PTPRT: variants seen among roughly 807,000 people sequenced by gnomAD.
PTPRT encodes receptor-type tyrosine-protein phosphatase T.
PTPRT carries 56 observed loss-of-function variants against 176.8 expected under a neutral mutation model. That is an observed-to-expected ratio of 0.32 (90% CI 0.26 to 0.40). PTPRT has a LOEUF of 0.40. Ranked by LOEUF, PTPRT falls within the 10% of genes least tolerant of loss-of-function variation. The pLI, the probability that PTPRT is intolerant of heterozygous loss-of-function variation, is 1.00. For synonymous variants in PTPRT, 783 were observed against 739.0 expected, an observed-to-expected ratio of 1.06 and a Z score of -0.96; for missense variants, 1,540 against 1,908.2, an observed-to-expected ratio of 0.81 and a Z score of 3.60.
chr20:42,395,603 T>G (rs1246497598), intron 9 of PTPRT, among the ~76,000 whole-genome samples: 3 of 152,184 alleles, frequency 2.0e-5, no homozygotes, highest in African/African-American at 7.2e-5. Context: ...ATTCCTCTCC[T>G]GCTGCTCTCC....
intron 1 of PTPRT, among the ~76,000 whole-genome samples, chr20:42,921,404 C>A (rs1568681584): frequency 6.6e-6 from 1 of 151,390 alleles, no homozygotes; most frequent in Non-Finnish European, 1.5e-5. Flanking sequence ...TAGATCTCAA[C>A]ATAGTGAGAT....
chr20:42,215,807 C>T (rs529517605), intron 15 of PTPRT, among the ~76,000 whole-genome samples: 49 of 103,980 alleles, frequency 4.7e-4, no homozygotes, highest in Non-Finnish European at 1.1e-3. Context: ...ATCCAGCCCC[C>T]GACTGCTGAA....
intron 1 of PTPRT, among the ~76,000 whole-genome samples, chr20:43,092,057 T>G (rs1055163608): frequency 2.0e-5 from 3 of 152,208 alleles, no homozygotes; most frequent in African/African-American, 7.2e-5. Flanking sequence ...CTGTCTTGCC[T>G]GGGTTTTCTC....
intron 1 of PTPRT, among the ~76,000 whole-genome samples, chr20:43,126,797 G>C (rs888771607): frequency 6.6e-6 from 1 of 152,178 alleles, no homozygotes; most frequent in Non-Finnish European, 1.5e-5. Context: ...TAGTAATAGT[G>C]GTAGCAGGAA....
At chr20:43,065,195 T>C (rs995766570) in intron 1 of PTPRT, among the ~76,000 whole-genome samples, 16 of 152,256 alleles carry the variant, frequency 1.1e-4, no homozygotes, top group African/African-American at 3.9e-4. Flanking sequence ...TTTTGGTGGC[T>C]TAAAACAATG....
intron 2 of PTPRT, among the ~76,000 whole-genome samples, chr20:42,883,738 A>ACACACCC (rs1568658380): frequency 0.15 from 1,003 of 6,602 alleles, 2 homozygotes; most frequent in African/African-American, 0.3. Flanking sequence ...ACCCCCATAC[A>ACACACCC]CTCTCACACA....
At chr20:42,556,835 G>A (rs1378632112) in intron 7 of PTPRT, among the ~76,000 whole-genome samples, 1 of 152,126 alleles carries the variant, frequency 6.6e-6, no homozygotes, top group Non-Finnish European at 1.5e-5. Flanking sequence ...GAGTGACATT[G>A]CTGGTGCCCA....
intron 15 of PTPRT, among the ~76,000 whole-genome samples, chr20:42,207,161 C>A (rs1035615828): frequency 2.0e-5 from 3 of 151,932 alleles, no homozygotes; most frequent in African/African-American, 7.3e-5. Flanking sequence ...TCATCAAAGA[C>A]CAAAAGTAGA....
intron 15 of PTPRT, among the ~76,000 whole-genome samples, chr20:42,216,739 G>A (rs895412147): frequency 1.2e-4 from 19 of 152,014 alleles, no homozygotes; most frequent in African/African-American, 4.1e-4. Flanking sequence ...CCGTGTCTAC[G>A]ACTTGACCCT....
At chr20:42,279,056 G>A (rs945325300) in intron 13 of PTPRT, among the ~76,000 whole-genome samples, 1 of 151,882 alleles carries the variant, frequency 6.6e-6, no homozygotes, top group African/African-American at 2.4e-5. Context: ...TTGCTCTGTG[G>A]CTTTCTATTG....
At chr20:43,101,632 A>T (rs2012394632) in intron 1 of PTPRT, among the ~76,000 whole-genome samples, 1 of 152,188 alleles carries the variant, frequency 6.6e-6, no homozygotes, top group Non-Finnish European at 1.5e-5. Flanking sequence ...AGGTCAGAAG[A>T]TGGAGTTCAC....
At chr20:43,012,578 T>C (rs1985184898) in intron 1 of PTPRT, among the ~76,000 whole-genome samples, 1 of 152,194 alleles carries the variant, frequency 6.6e-6, no homozygotes, top group African/African-American at 2.4e-5. Context: ...TGTGTTTTGT[T>C]ATGTATATTT....
At chr20:42,130,538 A>G (rs570149226) in intron 18 of PTPRT, among the ~76,000 whole-genome samples, 2 of 152,338 alleles carry the variant, frequency 1.3e-5, no homozygotes, top group East Asian at 3.9e-4. Context: ...CACAACCTGC[A>G]GGGGTAAGTT....
chr20:43,113,676 A>T (rs1356512144), intron 1 of PTPRT, among the ~76,000 whole-genome samples: 1 of 152,240 alleles, frequency 6.6e-6, no homozygotes, highest in Non-Finnish European at 1.5e-5. Flanking sequence ...GCAAAACTCA[A>T]GTACGAACCA....
At chr20:42,328,559 G>A (rs1013252701) in intron 11 of PTPRT, among the ~76,000 whole-genome samples, 4 of 151,980 alleles carry the variant, frequency 2.6e-5, no homozygotes, top group African/African-American at 9.7e-5. Flanking sequence ...AGAAAAGTAC[G>A]ATCATATAAG....
intron 1 of PTPRT, among the ~76,000 whole-genome samples, chr20:43,065,829 C>T (rs896710721): frequency 6.6e-6 from 1 of 152,156 alleles, no homozygotes; most frequent in Non-Finnish European, 1.5e-5. Context: ...TGGTTTCCTA[C>T]AGAGTCAAAG....
chr20:43,188,812 T>G (rs2015464491), intron 1 of PTPRT, among the ~76,000 whole-genome samples: 1 of 142,802 alleles, frequency 7.0e-6, no homozygotes, highest in South Asian at 2.2e-4. Flanking sequence ...TGTAAGACCC[T>G]GGACTGTGGT....
chr20:42,661,854 G>A (rs761070698), intron 7 of PTPRT, among the ~76,000 whole-genome samples: 1 of 152,198 alleles, frequency 6.6e-6, no homozygotes, highest in African/African-American at 2.4e-5. Context: ...ACCAAGCCAG[G>A]TTTGGGCTCA....
At chr20:42,187,154 A>C (rs1159011288) in intron 16 of PTPRT, among the ~76,000 whole-genome samples, 1 of 152,040 alleles carries the variant, frequency 6.6e-6, no homozygotes, top group Non-Finnish European at 1.5e-5. Flanking sequence ...TTCTACACAC[A>C]CCTCTACTGG....
Sources: gnomAD v4.1 joint callset for allele counts (sites outside exome capture counted in the v4.1 genomes callset) on GRCh38, gnomAD v4.1.1 for gene constraint, MANE v1.5 for transcripts, NCBI Gene and HGNC (gene_info 2026-07-23, HGNC 2026-07-21) for gene names.